The following TMEM70 variants were observed in gnomAD, a reference collection of about 807,000 sequenced individuals.
TMEM70 encodes the protein transmembrane protein 70, mitochondrial.
A neutral mutation model predicts 20.5 loss-of-function variants in TMEM70; 15 were observed. That is an observed-to-expected ratio of 0.73 (90% CI 0.49 to 1.13). The LOEUF (loss-of-function observed/expected upper bound fraction) is 1.13. TMEM70 is among the 50% of genes most tolerant of loss of function. The pLI, the probability that TMEM70 is intolerant of heterozygous loss-of-function variation, is 0.00. For synonymous variants in TMEM70, 141 were observed against 134.2 expected, an observed-to-expected ratio of 1.05 and a Z score of -0.35; for missense variants, 344 against 331.7, an observed-to-expected ratio of 1.04 and a Z score of -0.29.
rs753334533 is a variant in TMEM70, at chr8:73,976,208, T to G, written c.-74T>G. The G allele has an allele frequency of 5.8e-5, 81 of 1,401,618 alleles. No homozygotes were observed. The highest frequency in any genetic ancestry group is 7.5e-5 in the Non-Finnish European group (76 of 1,018,012). 86.8% of individuals were successfully genotyped at this position (1,401,618 alleles called of 1,614,324 possible). On this transcript the variant is annotated 5_prime_UTR_variant, in exon 1 of 3. Transcript: ENST00000312184. Reference sequence around the variant, plus strand: ...TGGGCATGCGCCACTTGTGCGGCAGTCGGGTGGGAAGCCGTGTCTCGCAGT... The same window carrying G: ...TGGGCATGCGCCACTTGTGCGGCAGGCGGGTGGGAAGCCGTGTCTCGCAGT...
chr8:73,981,519 A>G lies in TMEM70; in HGVS notation c.681A>G (p.Pro227=). 6.2e-7 allele frequency: 1 copy of G among 1,614,000 alleles called. No individual in the cohort carries two copies. The highest frequency in any genetic ancestry group is 2.2e-5 in the East Asian group (1 of 44,884). Reference sequence around the variant, plus strand: ...TGTTAGTTAATCCAGTGCTCTTTCCAAACCGTGAAGACTATATCCATCTAA... The same window carrying G: ...TGTTAGTTAATCCAGTGCTCTTTCCGAACCGTGAAGACTATATCCATCTAA... ...KSLLVNPVLF[P]NREDYIHLMG... The change falls in exon 3 of 3, where the codon CCA becomes CCG. Residue 227 remains proline, a synonymous_variant. Transcript: ENST00000312184.
intron 1 of TMEM70, among the ~76,000 whole-genome samples, chr8:73,977,396 C>T (rs1351351324): frequency 1.3e-5 from 2 of 152,006 alleles, no homozygotes; most frequent in Non-Finnish European, 2.9e-5. Context: ...CCGTGTTGGC[C>T]AGGCTCGTCT....
At position 73,982,195 on chromosome 8, in the gene TMEM70, T is replaced by A. The variant is rs1421802682; in HGVS notation, c.*574T>A. ...GCAATTCACCGAATTCATATCACTC[T>A]AACGAGTTGCAACGTAAAATCCCTG... On this transcript the variant is annotated 3_prime_UTR_variant, in exon 3 of 3. Coordinates refer to ENST00000312184, the MANE Select transcript of TMEM70 (RefSeq NM_017866.6). 1.8e-6 allele frequency: 1 copy of A among 554,576 alleles called. No homozygotes were observed. Among genetic ancestry groups the A allele is most frequent in the East Asian group, 4.7e-5 (1 of 21,146 alleles). The allele number at this position is 554,576 out of a possible 1,614,324, so 34.4% of individuals were successfully genotyped here. A position where few individuals can be genotyped will look rare whatever the true frequency, so the allele number is the denominator to read the frequency against.
intron 1 of TMEM70, among the ~76,000 whole-genome samples, chr8:73,977,190 T>C (rs1182860366): frequency 4.0e-5 from 6 of 149,554 alleles, no homozygotes; most frequent in African/African-American, 7.3e-5. Context: ...ATTTTATTTC[T>C]TTTTTTTTGG....
Position 73,976,378 on chromosome 8 carries a change from C to G in TMEM70, c.97C>G (p.Arg33Gly), listed in dbSNP as rs145329086. 1.9e-6 allele frequency: 3 copies of G among 1,596,344 alleles called. No individual in the cohort carries two copies. In the East Asian group the frequency reaches 6.7e-5, roughly 36 times the overall value. ...TGCGGCCGCCGCGCTCCGAGGTCCC[C>G]GGGCCTCTGTCTCCCGGGCGTCCTC... Reference protein sequence around the residue: ...LCAAAALRGPRASVSRASSSS... With the variant: ...LCAAAALRGPGASVSRASSSS... Residue 33 changes from arginine (R) to glycine (G), a missense_variant, in exon 1 of 3, where the codon CGG becomes GGG. By Grantham distance (125) the Arg-to-Gly change is moderately radical (BLOSUM62 -2). Coordinates refer to ENST00000312184, the MANE Select transcript of TMEM70 (RefSeq NM_017866.6).
chr8:73,976,274 C>T lies in TMEM70; in HGVS notation c.-8C>T. ...CTGGGGCGTCCGCAGCCGCTCGTCA[C>T]CCGCGTGATGCTGTTTCTGGCGTTG... On this transcript the variant is annotated 5_prime_UTR_variant, in exon 1 of 3. Transcript: ENST00000312184. 6 of 1,599,308 alleles carry T rather than the reference C, an allele frequency of 3.8e-6. No individual in the cohort carries two copies. Among genetic ancestry groups the T allele is most frequent in the Non-Finnish European group, 5.1e-6 (6 of 1,179,164 alleles).
chr8:73,977,682 T>C (rs535736123), intron 1 of TMEM70, among the ~76,000 whole-genome samples: 1 of 152,288 alleles, frequency 6.6e-6, no homozygotes, highest in South Asian at 2.1e-4. Context: ...TAAATTTTAT[T>C]TCTTAGAGAT....
intron 1 of TMEM70, among the ~76,000 whole-genome samples, chr8:73,978,183 T>G (rs180875752): frequency 3.3e-5 from 5 of 151,838 alleles, no homozygotes; most frequent in African/African-American, 1.2e-4. Flanking sequence ...GCCTCCCAGG[T>G]TCAAGCGATT....
chr8:73,978,536 A>G (rs1815708993), intron 1 of TMEM70, among the ~76,000 whole-genome samples: 1 of 151,766 alleles, frequency 6.6e-6, no homozygotes, highest in Admixed American at 6.6e-5. Context: ...ATAAAAATAC[A>G]GAAATTAGCC....
intron 1 of TMEM70, 116 bp from the exon 2 acceptor site, chr8:73,978,640 C>A: frequency 9.6e-7 from 1 of 1,045,822 alleles, no homozygotes; most frequent in Non-Finnish European, 1.4e-6. Flanking sequence ...CAATGGTGAG[C>A]TGAGATCGCA....
In TMEM70 at chr8:73,976,359, C is replaced by T. The variant is rs778863875; in HGVS notation, c.78C>T (p.Ala26=). The T allele has an allele frequency of 3.8e-6, 6 of 1,598,792 alleles. No homozygotes were observed. The highest frequency in any genetic ancestry group is 5.1e-6 in the Non-Finnish European group (6 of 1,179,260). ...GAAGGAGGACTGCATTGTGTGCGGC[C>T]GCCGCGCTCCGAGGTCCCCGGGCCT... The part of the protein sequence containing the change: ...LCGRRTALCA[A]AALRGPRASV... Residue 26 remains alanine (A), a synonymous_variant, in exon 1 of 3, where the codon GCC becomes GCT. Coordinates refer to ENST00000312184, the MANE Select transcript of TMEM70 (RefSeq NM_017866.6).
rs758106257 is a variant in TMEM70 at position 73,976,226 on chromosome 8, C to G, written c.-56C>G. ...GCGGCAGTCGGGTGGGAAGCCGTGT[C>G]TCGCAGTCGTGGACTCGTGCAGCTG... On this transcript the variant is annotated 5_prime_UTR_variant, in exon 1 of 3. Coordinates refer to ENST00000312184, the MANE Select transcript of TMEM70 (RefSeq NM_017866.6). 2.0e-6 allele frequency: 3 copies of G among 1,503,390 alleles called. No homozygotes were observed. Among genetic ancestry groups the G allele is most frequent in the Admixed American group, 3.6e-5 (2 of 55,470 alleles). 93.1% of individuals were successfully genotyped at this position (1,503,390 alleles called of 1,614,324 possible). A position where few individuals can be genotyped will look rare whatever the true frequency, so the allele number is the denominator to read the frequency against.
At chr8:73,979,927 G>T (rs1815748828) in intron 2 of TMEM70, among the ~76,000 whole-genome samples, 3 of 152,112 alleles carry the variant, frequency 2.0e-5, no homozygotes, top group African/African-American at 7.2e-5. Context: ...TTCCTATGGT[G>T]CCTAGGCTGG....
Position 73,982,173 on chromosome 8 carries a change from A to G in TMEM70, c.*552A>G, listed in dbSNP as rs1815823755. The G allele has an allele frequency of 1.8e-6, 1 of 542,272 alleles. No homozygotes were observed. The allele number at this position is 542,272 out of a possible 1,614,324, so 33.6% of individuals were successfully genotyped here. A position where few individuals can be genotyped will look rare whatever the true frequency, so the allele number is the denominator to read the frequency against. ...AACACCCGTGGAGTCAGAGGTGGCA[A>G]TTCACCGAATTCATATCACTCTAAC... On this transcript the variant is annotated 3_prime_UTR_variant, in exon 3 of 3. Coordinates refer to ENST00000312184, the MANE Select transcript of TMEM70 (RefSeq NM_017866.6).
intron 2 of TMEM70, among the ~76,000 whole-genome samples, chr8:73,980,557 G>A (rs976739011): frequency 6.6e-6 from 1 of 151,816 alleles, no homozygotes; most frequent in Non-Finnish European, 1.5e-5. Flanking sequence ...AGTAGAGATG[G>A]GAGTTTCACC....
intron 2 of TMEM70, among the ~76,000 whole-genome samples, chr8:73,980,053 A>G (rs1383168692): frequency 6.6e-6 from 1 of 152,124 alleles, no homozygotes; most frequent in Non-Finnish European, 1.5e-5. Flanking sequence ...CTAAGGTAAT[A>G]GGTAAAAATG....
In TMEM70 at chr8:73,976,383, C is replaced by T. The variant is rs1157031156; in HGVS notation, c.102C>T (p.Ala34=). 2 of 1,594,706 alleles carry T rather than the reference C, an allele frequency of 1.3e-6. No individual in the cohort carries two copies. The highest frequency in any genetic ancestry group is 1.7e-5 in the Admixed American group (1 of 59,188). ...CCGCCGCGCTCCGAGGTCCCCGGGCCTCTGTCTCCCGGGCGTCCTCCAGCA... is the reference window on the plus strand; with the variant it reads ...CCGCCGCGCTCCGAGGTCCCCGGGCTTCTGTCTCCCGGGCGTCCTCCAGCA... ...CAAAALRGPR[A]SVSRASSSSG... is the part of the protein sequence containing the mutation. The change falls in exon 1 of 3, where the codon GCC becomes GCT. Residue 34 remains alanine (A), a synonymous_variant. Transcript: ENST00000312184.
rs754085867 is a variant in TMEM70, at chr8:73,976,357, G to A, written c.76G>A (p.Ala26Thr). ...LCGRRTALCA[A>T]AALRGPRASV... ...CGGAAGGAGGACTGCATTGTGTGCG[G>A]CCGCCGCGCTCCGAGGTCCCCGGGC... Residue 26 changes from alanine (A) to threonine (T), a missense_variant, in exon 1 of 3, where the codon GCC (alanine) becomes ACC (threonine). Coordinates refer to ENST00000312184, the MANE Select transcript of TMEM70 (RefSeq NM_017866.6). The A allele has an allele frequency of 6.3e-7, 1 of 1,599,068 alleles. No homozygotes were observed. Among genetic ancestry groups the A allele is most frequent in the Middle Eastern group, 1.7e-4 (1 of 5,808 alleles).
intron 1 of TMEM70, 66 bp downstream of exon 1, chr8:73,976,557 G>T: frequency 7.1e-7 from 1 of 1,402,372 alleles, no homozygotes. Context: ...CGGGCCTGGG[G>T]AGCCCCAGCG....
Sources: gnomAD v4.1 joint callset for allele counts (sites outside exome capture counted in the v4.1 genomes callset) on GRCh38, gnomAD v4.1.1 for gene constraint, MANE v1.5 for transcripts, NCBI Gene and HGNC (gene_info 2026-07-23, HGNC 2026-07-21) for gene names.